The following RLN2 variants were observed in gnomAD, a reference collection of about 807,000 sequenced individuals.
RLN2 encodes relaxin 2, also known as prorelaxin H2.
Under a neutral mutation model 7.3 loss-of-function variants are expected in RLN2, and 10 were observed. The ratio of observed to expected loss-of-function variants is 1.36; its 90% CI spans 0.84 to 2.31. RLN2 has a LOEUF of 2.31. Ranked by LOEUF, RLN2 falls within the 30% of genes most tolerant of loss-of-function variation. The pLI is 0.00. For missense variants in RLN2, 298 were observed against 217.6 expected (o/e 1.37, Z -2.32); for synonymous variants, 103 against 82.3 (o/e 1.25, Z -1.36).
At chr9:5,326,778 T>C in the RLN2 span, among the ~76,000 whole-genome samples, 5 of 152,026 alleles carry the variant, frequency 3.3e-5, no homozygotes, top group Non-Finnish European at 7.4e-5. Context: ...GTTTTTTAAA[T>C]TTAGGAAGAA....
chr9:5,311,413 ATACAATTTTTAAG>A, the RLN2 span: 3 of 528,984 alleles, frequency 5.7e-6, no homozygotes, highest in Admixed American at 3.1e-5. Context: ...TAATACAAGA[ATACAATTTTTAAG>A]TACATCACCA....
At chr9:5,321,113 T>A in the RLN2 span, among the ~76,000 whole-genome samples, 1 of 152,150 alleles carries the variant, frequency 6.6e-6, no homozygotes, top group Non-Finnish European at 1.5e-5. Context: ...ATCACAGTTT[T>A]AACCAAAAGT....
the RLN2 span, among the ~76,000 whole-genome samples, chr9:5,337,459 CTG>C: frequency 3.3e-5 from 5 of 152,024 alleles, 1 homozygote; most frequent in African/African-American, 1.2e-4. Context: ...CCTTAATTCA[CTG>C]TATTTTGGAT....
upstream of RLN2, among the ~76,000 whole-genome samples, chr9:5,307,825 C>T (rs567069724): frequency 3.3e-5 from 5 of 152,106 alleles, 1 homozygote; most frequent in South Asian, 2.1e-4. Flanking sequence ...CATCTTCCAG[C>T]GCCAACTTTG....
At chr9:5,321,396 TC>T in the RLN2 span, among the ~76,000 whole-genome samples, 1 of 151,842 alleles carries the variant, frequency 6.6e-6, no homozygotes, top group African/African-American at 2.4e-5. Context: ...AGACAGCTCT[TC>T]CCTGACTCTC....
chr9:5,314,986 T>C, the RLN2 span, among the ~76,000 whole-genome samples: 1 of 151,946 alleles, frequency 6.6e-6, no homozygotes, highest in African/African-American at 2.4e-5. Flanking sequence ...AGTCTTTCCC[T>C]ACTAAAGGCA....
the RLN2 span, among the ~76,000 whole-genome samples, chr9:5,314,973 CA>C: frequency 6.6e-6 from 1 of 151,744 alleles, no homozygotes; most frequent in Non-Finnish European, 1.5e-5. Flanking sequence ...CTTCCAGAGT[CA>C]AAGTCTTTCC....
upstream of RLN2, chr9:5,305,100 A>T (rs1816218893): frequency 6.6e-6 from 1 of 152,596 alleles, no homozygotes. Context: ...ATCAATCCAT[A>T]AAAATATAAA....
chr9:5,327,465 C>G, the RLN2 span, among the ~76,000 whole-genome samples: 7 of 152,174 alleles, frequency 4.6e-5, no homozygotes, highest in African/African-American at 1.4e-4. Context: ...GACTCCACCT[C>G]TAGCGGCAGG....
rs1207195197 is a variant in RLN2 at position 5,299,995 on chromosome 9, T to C, written c.*103A>G. The C allele has an allele frequency of 6.0e-6, 4 of 672,210 alleles. No homozygotes were observed. The highest frequency in any genetic ancestry group is 9.9e-6 in the Non-Finnish European group (4 of 405,362). 41.6% of individuals were successfully genotyped at this position (672,210 alleles called of 1,614,324 possible). A position where few individuals can be genotyped will look rare whatever the true frequency, so the allele number is the denominator to read the frequency against. On this transcript the variant is annotated 3_prime_UTR_variant, in exon 2 of 2. Coordinates refer to ENST00000381627, the MANE Select transcript of RLN2 (RefSeq NM_134441.3). ...ATGGGACCTAATATCTAACAAAGAT[T>C]CTTAGATATTCTAAGAATTGATGGG... is the stretch of plus-strand genomic sequence containing the variant.
chr9:5,325,658 A>G, the RLN2 span, among the ~76,000 whole-genome samples: 1 of 152,058 alleles, frequency 6.6e-6, no homozygotes, highest in Admixed American at 6.6e-5. Flanking sequence ...AAAACAAGAT[A>G]TACTACTTAT....
chr9:5,330,561 T>C, the RLN2 span, among the ~76,000 whole-genome samples: 2 of 135,938 alleles, frequency 1.5e-5, no homozygotes, highest in African/African-American at 5.7e-5. Context: ...CGGCATGAAC[T>C]GGGGAGGCAG....
At chr9:5,334,415 T>G in the RLN2 span, among the ~76,000 whole-genome samples, 6 of 152,170 alleles carry the variant, frequency 3.9e-5, no homozygotes, top group South Asian at 1.2e-3. Context: ...AAAATGCATG[T>G]GTATATACAT....
the RLN2 span, among the ~76,000 whole-genome samples, chr9:5,312,841 G>A: frequency 1.3e-5 from 2 of 151,888 alleles, no homozygotes; most frequent in Non-Finnish European, 2.9e-5. Context: ...CATTGTTTAG[G>A]AGGAGGGGGT....
At chr9:5,301,770 A>G (rs1025352961) in intron 1 of RLN2, among the ~76,000 whole-genome samples, 1 of 152,178 alleles carries the variant, frequency 6.6e-6, no homozygotes, top group Non-Finnish European at 1.5e-5. Flanking sequence ...TTTTCTGGCA[A>G]GAGATTCAGT....
the RLN2 span, among the ~76,000 whole-genome samples, chr9:5,331,849 G>C: frequency 1.3e-5 from 2 of 151,814 alleles, no homozygotes; most frequent in South Asian, 2.1e-4. Flanking sequence ...AAATAAACTG[G>C]TGCAACCTCT....
At chr9:5,309,247 T>C (rs1353998592), upstream of RLN2, among the ~76,000 whole-genome samples, 1 of 152,052 alleles carries the variant, frequency 6.6e-6, no homozygotes, top group East Asian at 1.9e-4. Context: ...TCAGGATCTC[T>C]TTGCTACCTC....
chr9:5,335,066 G>C, the RLN2 span: 1 of 490,228 alleles, frequency 2.0e-6, no homozygotes, highest in Non-Finnish European at 3.5e-6. Context: ...CTTCAGCATA[G>C]AAAGTGTCAT....
At chr9:5,313,780 C>A in the RLN2 span, among the ~76,000 whole-genome samples, 1 of 151,844 alleles carries the variant, frequency 6.6e-6, no homozygotes, top group Admixed American at 6.6e-5. Context: ...CAAAGATAGC[C>A]AAAACAATAA....
Sources: allele counts gnomAD v4.1 joint callset (sites outside exome capture counted in the v4.1 genomes callset), GRCh38; gene constraint gnomAD v4.1.1; transcripts MANE v1.5; gene names NCBI Gene and HGNC (gene_info 2026-07-23, HGNC 2026-07-21).